The following RBFOX1 variants were observed in gnomAD, a reference collection of about 807,000 sequenced individuals.
The protein encoded by RBFOX1 is RNA binding protein fox-1 homolog 1.
In RBFOX1, 8 loss-of-function variants were observed where a neutral mutation model predicts 57.7. That is an observed-to-expected ratio of 0.14 (90% CI 0.08 to 0.25). The LOEUF is 0.25. RBFOX1 is among the 10% of genes least tolerant of loss of function. The pLI is 1.00. For synonymous variants in RBFOX1, 326 were observed against 222.4 expected (o/e 1.47, Z -4.15); for missense variants, 611 against 548.5 (o/e 1.11, Z -1.14).
At chr16:6,250,542 T>C (rs1475587922) in intron 1 of RBFOX1, among the ~76,000 whole-genome samples, 1 of 152,142 alleles carries the variant, frequency 6.6e-6, no homozygotes, top group Non-Finnish European at 1.5e-5. Flanking sequence ...TCCTTATCTG[T>C]GGTATTTCAA....
Position 6,748,292 on chromosome 16 carries a change from C to G in RBFOX1, c.-16+93642C>G, listed in dbSNP as rs189067393. 8.1e-4 allele frequency among the ~76,000 whole-genome samples: 123 copies of G among 152,196 alleles called. 1 individual carries two copies. The highest frequency in any genetic ancestry group is 2.8e-3 in the African/African-American group (115 of 41,516). On this transcript the variant is annotated intron_variant, in intron 3 of 15. Transcript: ENST00000550418. ...CTCTCTCTCTCTCTCTACACACACA[C>G]ACGCAAATACATACACACACATATA...
chr16:6,151,430 C>T (rs953744184), intron 1 of RBFOX1, among the ~76,000 whole-genome samples: 12 of 152,106 alleles, frequency 7.9e-5, no homozygotes, highest in Middle Eastern at 3.4e-3. Context: ...GGATTACAGG[C>T]GCGCTTCACC....
At chr16:5,264,908 G>GA (rs1567252772) in intron 1 of RBFOX1, among the ~76,000 whole-genome samples, 1 of 152,068 alleles carries the variant, frequency 6.6e-6, no homozygotes, top group Non-Finnish European at 1.5e-5. Flanking sequence ...GCATAAGTGA[G>GA]AAAAACAACT....
chr16:7,459,139 T>A (rs1388933939), intron 4 of RBFOX1, among the ~76,000 whole-genome samples: 1 of 152,092 alleles, frequency 6.6e-6, no homozygotes, highest in Non-Finnish European at 1.5e-5. Context: ...AGTGGATGGA[T>A]GAATGACGGG....
chr16:6,505,542 G>A lies in RBFOX1; in HGVS notation c.-63-149061G>A, dbSNP rs541103790. The stretch of plus-strand genomic sequence containing the variant: ...CACGTTTACTCTGTGTATTCTCACC[G>A]TCTAGTACAGCTAGACAGAGATTAT... On this transcript the variant is annotated intron_variant, in intron 2 of 15. Coordinates refer to ENST00000550418, the MANE Select transcript of RBFOX1 (RefSeq NM_018723.4). Among the ~76,000 whole-genome samples, 10 of 152,270 alleles carry A rather than the reference G, an allele frequency of 6.6e-5. No individual in the cohort carries two copies. The East Asian group carries it at 7.7e-4, about 12-fold the overall frequency.
At chr16:7,027,575 C>T (rs1304625247) in intron 3 of RBFOX1, among the ~76,000 whole-genome samples, 1 of 152,008 alleles carries the variant, frequency 6.6e-6, no homozygotes, top group African/African-American at 2.4e-5. Context: ...TAGACCAAGA[C>T]TAATGTACTT....
chr16:5,312,568 G>A (rs2064121213), intron 1 of RBFOX1, among the ~76,000 whole-genome samples: 2 of 152,160 alleles, frequency 1.3e-5, no homozygotes, highest in South Asian at 4.1e-4. Flanking sequence ...ACCTGCCTCA[G>A]CCTCCCAAAG....
rs1396134972 is a variant in RBFOX1, at chr16:6,842,611, C to T, written c.-16+187961C>T. On this transcript the variant is annotated intron_variant, in intron 3 of 15. Coordinates refer to ENST00000550418, the MANE Select transcript of RBFOX1 (RefSeq NM_018723.4). ...ATACTTAATTTATGTATCCAGTTTC[C>T]TGCTGACAGACATTTAGACTGTTTT... is the stretch of plus-strand genomic sequence containing the variant. Among the ~76,000 whole-genome samples the T allele has an allele frequency of 4.7e-5, 7 of 148,382 alleles. No individual in the cohort carries two copies. The East Asian group carries it at 1.2e-3, about 25-fold the overall frequency.
intron 4 of RBFOX1, among the ~76,000 whole-genome samples, chr16:7,242,262 G>C (rs144213174): frequency 1.1e-3 from 160 of 152,258 alleles, no homozygotes; most frequent in Admixed American, 2.0e-3. Flanking sequence ...AAAATTCAGA[G>C]ACAGGGTTGC....
intron 2 of RBFOX1, among the ~76,000 whole-genome samples, chr16:6,566,109 C>T (rs1381662538): frequency 1.3e-5 from 2 of 152,196 alleles, no homozygotes; most frequent in Non-Finnish European, 2.9e-5. Context: ...TAATGTGTGT[C>T]ATCACTGTTC....
intron 3 of RBFOX1, among the ~76,000 whole-genome samples, chr16:6,761,304 G>C (rs12926886): frequency 0.28 from 42,802 of 151,922 alleles, 7,629 homozygotes; most frequent in Non-Finnish European, 0.4. Flanking sequence ...TGGATATTTG[G>C]TTGAAGCCTT....
rs1328351704 is a variant in RBFOX1, at chr16:7,094,591, G to C, written c.27+42493G>C. 2.7e-5 allele frequency among the ~76,000 whole-genome samples: 4 copies of C among 147,248 alleles called. No individual in the cohort carries two copies. The East Asian group carries it at 8.0e-4, about 29-fold the overall frequency. ...TCCTGTGTATTGGGAAACACTCTTT[G>C]TTCCCTTGACTTGGGGACTCCTGCA... On this transcript the variant is annotated intron_variant, in intron 4 of 15. Coordinates refer to ENST00000550418, the MANE Select transcript of RBFOX1 (RefSeq NM_018723.4).
At chr16:5,533,231 C>T (rs1005083368) in intron 2 of RBFOX1, among the ~76,000 whole-genome samples, 14 of 152,096 alleles carry the variant, frequency 9.2e-5, no homozygotes, top group African/African-American at 3.1e-4. Flanking sequence ...GGAATTTGTG[C>T]GCCAAGGCAA....
chr16:6,365,004 G>A (rs1464735184), intron 2 of RBFOX1, among the ~76,000 whole-genome samples: 1 of 152,008 alleles, frequency 6.6e-6, no homozygotes, highest in African/African-American at 2.4e-5. Context: ...GTGTGGGAGG[G>A]TACCTCCTTC....
chr16:6,907,525 G>C (rs555866647), intron 3 of RBFOX1, among the ~76,000 whole-genome samples: 3 of 152,198 alleles, frequency 2.0e-5, no homozygotes, highest in South Asian at 2.1e-4. Context: ...CTGGGAGAGA[G>C]AATCGGTCCT....
intron 2 of RBFOX1, among the ~76,000 whole-genome samples, chr16:6,381,263 G>A (rs74007321): frequency 6.6e-6 from 1 of 152,176 alleles, no homozygotes; most frequent in African/African-American, 2.4e-5. Context: ...TAAGCATTTA[G>A]TGTACCCATC....
At chr16:5,404,028 C>T (rs968102134) in intron 1 of RBFOX1, among the ~76,000 whole-genome samples, 1 of 126,496 alleles carries the variant, frequency 7.9e-6, no homozygotes, top group Non-Finnish European at 1.6e-5. Flanking sequence ...AGGTTTGGTG[C>T]AGAGGACAGA....
intron 2 of RBFOX1, among the ~76,000 whole-genome samples, chr16:6,405,911 A>T (rs1205047410): frequency 6.6e-6 from 1 of 152,228 alleles, no homozygotes; most frequent in Non-Finnish European, 1.5e-5. Flanking sequence ...ACAGAATAAA[A>T]TTGCAAGTGC....
chr16:6,677,059 T>C (rs1020957265), intron 3 of RBFOX1, among the ~76,000 whole-genome samples: 12 of 152,250 alleles, frequency 7.9e-5, no homozygotes, highest in African/African-American at 2.9e-4. Flanking sequence ...CTAAATGCTT[T>C]CTACTTGCAA....
Sources: gnomAD v4.1 joint callset for allele counts (sites outside exome capture counted in the v4.1 genomes callset) on GRCh38, gnomAD v4.1.1 for gene constraint, MANE v1.5 for transcripts, NCBI Gene and HGNC (gene_info 2026-07-23, HGNC 2026-07-21) for gene names.